OLA1: variants seen among roughly 807,000 people sequenced by gnomAD.
OLA1 encodes Obg like ATPase 1.
Under a neutral mutation model 48.4 loss-of-function variants are expected in OLA1, and 14 were observed. The ratio of observed to expected loss-of-function variants is 0.29; its 90% CI spans 0.19 to 0.45. The LOEUF (loss-of-function observed/expected upper bound fraction) is 0.45. Among genes scored for constraint, OLA1 ranks in the 20% least tolerant of loss-of-function variants. OLA1 has a pLI of 1.00. For synonymous variants in OLA1, 127 were observed against 150.4 expected, an observed-to-expected ratio of 0.84 and a Z score of 1.14; for missense variants, 325 against 467.1, an observed-to-expected ratio of 0.70 and a Z score of 2.80.
At chr2:174,144,930 T>TAA (rs71021671) in intron 4 of OLA1, among the ~76,000 whole-genome samples, 30 of 41,110 alleles carry the variant, frequency 7.3e-4, no homozygotes, top group African/African-American at 2.8e-3. Flanking sequence ...AGACCCTGTT[T>TAA]AAAAAAAAAA....
rs543867633 is a variant in OLA1 at position 174,096,799 on chromosome 2, T to A, written c.729-14735A>T. 1.3e-5 allele frequency among the ~76,000 whole-genome samples: 2 copies of A among 152,310 alleles called. 1 individual carries two copies. The highest frequency in any genetic ancestry group is 3.9e-4 in the East Asian group (2 of 5,188). On this transcript the variant is annotated intron_variant, in intron 7 of 10. Coordinates refer to ENST00000284719, the MANE Select transcript of OLA1 (RefSeq NM_013341.5). Reference sequence around the variant, plus strand: ...CTGTCAGTGAGTGGGTCATTCTCAATAGTTACTGTAGAGTTAAAAATACTG... The same window carrying A: ...CTGTCAGTGAGTGGGTCATTCTCAAAAGTTACTGTAGAGTTAAAAATACTG...
intron 4 of OLA1, among the ~76,000 whole-genome samples, chr2:174,190,420 C>T (rs1007025312): frequency 6.6e-6 from 1 of 152,070 alleles, no homozygotes; most frequent in Non-Finnish European, 1.5e-5. Context: ...AACTGAGACT[C>T]ACGAAGCTTA....
rs574002014 is a variant in OLA1 at position 174,174,458 on chromosome 2, G to C, written c.374-32458C>G. Among the ~76,000 whole-genome samples the C allele has an allele frequency of 3.9e-5, 6 of 152,010 alleles. No homozygotes were observed. The East Asian group carries it at 9.6e-4, about 24-fold the overall frequency. ...TCCAATAGATAAAAGAAATTCATTT[G>C]ACAAAATTCAACACCTATTCAGGAT... On this transcript the variant is annotated intron_variant, in intron 4 of 10. Transcript: ENST00000284719.
At chr2:174,239,672 G>A (rs1214254553) in intron 2 of OLA1, among the ~76,000 whole-genome samples, 3 of 130,494 alleles carry the variant, frequency 2.3e-5, no homozygotes, top group Non-Finnish European at 3.1e-5. Context: ...GAGGCCAGGA[G>A]TTTGAGACCA....
At chr2:174,102,563 C>T (rs1272198428) in intron 7 of OLA1, among the ~76,000 whole-genome samples, 1 of 151,892 alleles carries the variant, frequency 6.6e-6, no homozygotes, top group Non-Finnish European at 1.5e-5. Flanking sequence ...TTCAAGACCC[C>T]CACCCCCAAA....
At chr2:174,194,465 G>T (rs1043328544) in intron 4 of OLA1, among the ~76,000 whole-genome samples, 1 of 152,082 alleles carries the variant, frequency 6.6e-6, no homozygotes, top group Non-Finnish European at 1.5e-5. Context: ...TTTAAAGTTA[G>T]TCAGGCTCTT....
intron 4 of OLA1, among the ~76,000 whole-genome samples, chr2:174,177,177 C>T (rs770228264): frequency 1.3e-5 from 2 of 152,138 alleles, no homozygotes; most frequent in African/African-American, 2.4e-5. Context: ...GTTTTAGAAT[C>T]ACCATCCAGT....
chr2:174,077,319 CAT>C (rs974089019), intron 10 of OLA1, among the ~76,000 whole-genome samples: 2 of 147,898 alleles, frequency 1.4e-5, no homozygotes, highest in African/African-American at 5.1e-5. Context: ...GTTAGAAATA[CAT>C]ATACATACAT....
chr2:174,101,839 C>A (rs957159572), intron 7 of OLA1, among the ~76,000 whole-genome samples: 2 of 152,106 alleles, frequency 1.3e-5, no homozygotes, highest in African/African-American at 4.8e-5. Context: ...ACTTGATTAA[C>A]TGAATATCAT....
chr2:174,155,593 C>T (rs962689521), intron 4 of OLA1, among the ~76,000 whole-genome samples: 2 of 152,144 alleles, frequency 1.3e-5, no homozygotes, highest in Non-Finnish European at 2.9e-5. Context: ...GAAGGACAGA[C>T]AATTACCTTC....
At chr2:174,163,727 T>A (rs1281215473) in intron 4 of OLA1, among the ~76,000 whole-genome samples, 16 of 10,004 alleles carry the variant, frequency 1.6e-3, no homozygotes, top group East Asian at 0.014. Context: ...TATATATATA[T>A]ATATATATAT....
At chr2:174,091,421 C>A (rs530367390) in intron 7 of OLA1, among the ~76,000 whole-genome samples, 1 of 152,138 alleles carries the variant, frequency 6.6e-6, no homozygotes, top group Non-Finnish European at 1.5e-5. Context: ...CTGTCATCAT[C>A]TGTTTTATCT....
At chr2:174,087,649 T>C (rs1171749644) in intron 7 of OLA1, among the ~76,000 whole-genome samples, 3 of 152,184 alleles carry the variant, frequency 2.0e-5, no homozygotes, top group East Asian at 3.8e-4. Context: ...TGCTATTTGA[T>C]ATTTTGCATA....
At chr2:174,241,447 T>C (rs180874731) in intron 2 of OLA1, among the ~76,000 whole-genome samples, 4 of 152,306 alleles carry the variant, frequency 2.6e-5, no homozygotes, top group African/African-American at 4.8e-5. Context: ...CAATGGTAAA[T>C]GGCTTTCACA....
intron 4 of OLA1, among the ~76,000 whole-genome samples, chr2:174,177,499 G>A (rs955194489): frequency 6.6e-6 from 1 of 152,046 alleles, no homozygotes; most frequent in Non-Finnish European, 1.5e-5. Context: ...CATACCATGT[G>A]CCATTTTATC....
At chr2:174,109,954 C>T (rs917050651) in intron 7 of OLA1, among the ~76,000 whole-genome samples, 1 of 152,122 alleles carries the variant, frequency 6.6e-6, no homozygotes, top group Non-Finnish European at 1.5e-5. Flanking sequence ...TCTCTCTCTT[C>T]CCACCCTCTT....
intron 4 of OLA1, among the ~76,000 whole-genome samples, chr2:174,176,827 C>T (rs1161959502): frequency 1.3e-5 from 2 of 152,142 alleles, no homozygotes; most frequent in East Asian, 3.8e-4. Context: ...ATTTTAGATG[C>T]TAAACTCATC....
At chr2:174,225,024 G>A (rs1276583839) in intron 3 of OLA1, among the ~76,000 whole-genome samples, 1 of 152,194 alleles carries the variant, frequency 6.6e-6, no homozygotes, top group African/African-American at 2.4e-5. Flanking sequence ...AACTTATGTT[G>A]AAATGTGATG....
chr2:174,142,961 T>C (rs12614741), intron 4 of OLA1, among the ~76,000 whole-genome samples: 45,232 of 152,052 alleles, frequency 0.3, 6,974 homozygotes, highest in Non-Finnish European at 0.35. Flanking sequence ...AAACATAAAG[T>C]ATCAATTATT....
Sources: gnomAD v4.1 joint callset for allele counts (sites outside exome capture counted in the v4.1 genomes callset) on GRCh38, gnomAD v4.1.1 for gene constraint, MANE v1.5 for transcripts, NCBI Gene and HGNC (gene_info 2026-07-23, HGNC 2026-07-21) for gene names.